Variants in LCOR observed in about 807,000 individuals in gnomAD.
LCOR encodes the protein ligand dependent nuclear receptor corepressor.
LCOR carries 14 observed loss-of-function variants against 64.4 expected under a neutral mutation model. The ratio of observed to expected loss-of-function variants is 0.22; its 90% CI spans 0.14 to 0.34. The LOEUF (loss-of-function observed/expected upper bound fraction) is 0.34, where lower values mean the gene tolerates loss of function less well. Among genes scored for constraint, LCOR ranks in the 10% least tolerant of loss-of-function variants. The pLI, the probability that LCOR is intolerant of heterozygous loss-of-function variation, is 1.00. For missense variants in LCOR, 1,686 were observed against 1,765.3 expected (o/e 0.96, Z 0.80); for synonymous variants, 643 against 642.5 (o/e 1.00, Z -0.01).
At chr10:96,894,460 T>C (rs995756012) in intron 2 of LCOR, among the ~76,000 whole-genome samples, 1 of 152,158 alleles carries the variant, frequency 6.6e-6, no homozygotes, top group Non-Finnish European at 1.5e-5. Context: ...CAGATTGTTA[T>C]TGAAAGGCAT....
intron 4 of LCOR, among the ~76,000 whole-genome samples, chr10:96,928,860 A>G (rs373975967): frequency 7.2e-5 from 11 of 152,342 alleles, no homozygotes; most frequent in African/African-American, 2.4e-4. Flanking sequence ...CATGAAAACA[A>G]CATTAATCTC....
chr10:96,933,102 G>A (rs1847290819), intron 4 of LCOR, among the ~76,000 whole-genome samples: 1 of 152,216 alleles, frequency 6.6e-6, no homozygotes, highest in Non-Finnish European at 1.5e-5. Context: ...AATATTAATT[G>A]AGGATAAGTA....
chr10:96,967,030 C>T (rs1050021320), intron 7 of LCOR, among the ~76,000 whole-genome samples: 1 of 152,214 alleles, frequency 6.6e-6, no homozygotes. Context: ...AGCCATCATG[C>T]CTGGCCGACT....
intron 2 of LCOR, among the ~76,000 whole-genome samples, chr10:96,886,158 A>G (rs1224794026): frequency 1.3e-5 from 2 of 152,114 alleles, no homozygotes; most frequent in African/African-American, 4.8e-5. Context: ...GATTACAGGT[A>G]TGAGCCACCG....
At chr10:96,948,945 C>T in intron 5 of LCOR, 63 bp from the exon 6 acceptor site, 2 of 1,235,568 alleles carry the variant, frequency 1.6e-6, no homozygotes, top group Non-Finnish European at 2.2e-6. Context: ...TTTATGTTTA[C>T]TTGAAAGCTG....
At chr10:96,966,779 A>G (rs887256933) in intron 7 of LCOR, among the ~76,000 whole-genome samples, 10 of 152,146 alleles carry the variant, frequency 6.6e-5, no homozygotes, top group African/African-American at 9.7e-5. Flanking sequence ...CTTATCTCCC[A>G]GGTTGGAGTG....
At chr10:96,980,051 G>A (rs1848070643) in intron 7 of LCOR, among the ~76,000 whole-genome samples, 1 of 152,182 alleles carries the variant, frequency 6.6e-6, no homozygotes, top group Non-Finnish European at 1.5e-5. Flanking sequence ...GGCTGAGGTA[G>A]GAGAATTGCT....
chr10:96,980,005 G>A (rs531807458), intron 7 of LCOR, among the ~76,000 whole-genome samples: 69 of 152,300 alleles, frequency 4.5e-4, no homozygotes, highest in Non-Finnish European at 8.1e-4. Context: ...TTAGCCAGGC[G>A]TGGCGGCGTG....
chr10:96,913,948 A>ATAT (rs1846892131), intron 4 of LCOR, among the ~76,000 whole-genome samples: 4 of 152,118 alleles, frequency 2.6e-5, no homozygotes, highest in Admixed American at 2.6e-4. Flanking sequence ...TTTTTGAAGA[A>ATAT]TATATAAGTC....
At chr10:96,880,906 G>A (rs140969393) in intron 2 of LCOR, among the ~76,000 whole-genome samples, 1 of 152,214 alleles carries the variant, frequency 6.6e-6, no homozygotes, top group African/African-American at 2.4e-5. Context: ...TTGAGTGACT[G>A]TCAAGTCTTT....
intron 2 of LCOR, among the ~76,000 whole-genome samples, chr10:96,852,576 C>T (rs1471187235): frequency 6.6e-6 from 1 of 152,144 alleles, no homozygotes. Context: ...AAATCCTAAA[C>T]CTGAAACACT....
rs1848177263 is a variant in LCOR, at chr10:96,989,513, G to A, written c.*4379G>A. ...ATATTTTGGTACTGATACCTTTTCA[G>A]CCACATACTTTCAAAATAATTTTAT... On this transcript the variant is annotated 3_prime_UTR_variant, in exon 8 of 8. Coordinates refer to ENST00000421806, the MANE Select transcript of LCOR (RefSeq NM_001346516.2). 1 of 151,482 alleles carries A rather than the reference G, an allele frequency of 6.6e-6. No homozygotes were observed. 9.4% of individuals were successfully genotyped at this position (151,482 alleles called of 1,614,324 possible).
chr10:96,878,189 C>T (rs886305880), intron 2 of LCOR, among the ~76,000 whole-genome samples: 4 of 152,164 alleles, frequency 2.6e-5, no homozygotes, highest in Non-Finnish European at 5.9e-5. Flanking sequence ...GCAAAATCAG[C>T]AGCATTGTAG....
At chr10:96,904,339 C>T (rs563804005) in intron 2 of LCOR, among the ~76,000 whole-genome samples, 1 of 152,220 alleles carries the variant, frequency 6.6e-6, no homozygotes, top group Non-Finnish European at 1.5e-5. Context: ...CCATCCTGAC[C>T]AGAGCTGTAG....
intron 4 of LCOR, among the ~76,000 whole-genome samples, chr10:96,941,067 C>CA (rs1462470348): frequency 8.5e-6 from 1 of 117,530 alleles, no homozygotes; most frequent in Non-Finnish European, 1.8e-5. Flanking sequence ...GGCCGACCCC[C>CA]CCCCCGCCTC....
At chr10:96,868,410 G>T (rs899923493) in intron 2 of LCOR, among the ~76,000 whole-genome samples, 7 of 151,852 alleles carry the variant, frequency 4.6e-5, no homozygotes, top group Non-Finnish European at 7.4e-5. Context: ...GAGTAGCTGG[G>T]ATTACAGGCG....
intron 7 of LCOR, among the ~76,000 whole-genome samples, chr10:96,952,864 A>G (rs765960145): frequency 3.3e-5 from 5 of 152,228 alleles, no homozygotes; most frequent in African/African-American, 7.2e-5. Flanking sequence ...TTTAGATACC[A>G]TGTTGAAAAA....
At chr10:96,934,755 C>T (rs1240380758) in intron 4 of LCOR, among the ~76,000 whole-genome samples, 3 of 152,166 alleles carry the variant, frequency 2.0e-5, no homozygotes, top group Non-Finnish European at 2.9e-5. Flanking sequence ...GCATGCGCCA[C>T]CATACCTGGA....
In LCOR at chr10:96,833,396, C is replaced by T. The variant is rs1014966167; in HGVS notation, c.-403-10C>T. The T allele has an allele frequency of 4.1e-6, 4 of 985,890 alleles. No homozygotes were observed. The highest frequency in any genetic ancestry group is 4.8e-6 in the Non-Finnish European group (4 of 829,990). 61.1% of individuals were successfully genotyped at this position (985,890 alleles called of 1,614,324 possible). On this transcript the variant is annotated splice_polypyrimidine_tract_variant and intron_variant, in intron 1 of 7. Coordinates refer to ENST00000421806, the MANE Select transcript of LCOR (RefSeq NM_001346516.2). Reference sequence around the variant, plus strand: ...CACACTGTGTGTTTTGTCTGTTTTTCTCTCCCAAGGTCCCGTTTCCCTCTG... The same window carrying T: ...CACACTGTGTGTTTTGTCTGTTTTTTTCTCCCAAGGTCCCGTTTCCCTCTG...
Sources: allele counts gnomAD v4.1 joint callset (sites outside exome capture counted in the v4.1 genomes callset), GRCh38; gene constraint gnomAD v4.1.1; transcripts MANE v1.5; gene names NCBI Gene and HGNC (gene_info 2026-07-23, HGNC 2026-07-21).